Variants in FLNB observed in about 807,000 individuals in gnomAD.
FLNB encodes filamin-B.
A neutral mutation model predicts 250.6 loss-of-function variants in FLNB; 111 were observed. The observed-to-expected ratio is 0.44, with a 90% confidence interval of 0.38 to 0.52. The LOEUF is 0.52. Ranked by LOEUF, FLNB falls within the 20% of genes least tolerant of loss-of-function variation. The pLI is 0.00. For missense variants in FLNB, 2,869 were observed against 3,447.8 expected, an observed-to-expected ratio of 0.83 and a Z score of 4.20; for synonymous variants, 1,302 against 1,372.1, an observed-to-expected ratio of 0.95 and a Z score of 1.13.
chr3:58,137,603 A>G (rs1349355718), intron 28 of FLNB, among the ~76,000 whole-genome samples: 1 of 152,192 alleles, frequency 6.6e-6, no homozygotes, highest in Non-Finnish European at 1.5e-5. Flanking sequence ...CTTTTAGTTC[A>G]TGCTTTTCTG....
intron 1 of FLNB, among the ~76,000 whole-genome samples, chr3:58,020,008 CT>C (rs1392787419): frequency 2.0e-5 from 3 of 151,870 alleles, no homozygotes; most frequent in African/African-American, 7.3e-5. Context: ...GGAACTCCCC[CT>C]GGCTGCAGGG....
chr3:58,065,126 T>TGCTTCTGTGC (rs1420156846), intron 1 of FLNB, among the ~76,000 whole-genome samples: 1 of 152,180 alleles, frequency 6.6e-6, no homozygotes, highest in African/African-American at 2.4e-5. Flanking sequence ...GTGCTCTGTG[T>TGCTTCTGTGC]GCTTCTGTGC....
chr3:58,123,528 G>A lies in FLNB; in HGVS notation c.3562G>A (p.Gly1188Ser), dbSNP rs1369550734. The change falls in exon 21 of 46, where the codon GGC (glycine) becomes AGC (serine). Residue 1188 changes from glycine to serine, a missense_variant. Gly to Ser is a moderately conservative substitution (Grantham distance 56). Coordinates refer to ENST00000295956, the MANE Select transcript of FLNB (RefSeq NM_001457.4). ...AEVSIQNNKD[G>S]TYAVTYVPLT... is the part of the protein sequence containing the mutation. ...AGTCAGTATTCAGAACAACAAAGAT[G>A]GCACCTACGCGGTGACCTACGTGCC... 2.5e-6 allele frequency: 4 copies of A among 1,604,646 alleles called. No individual in the cohort carries two copies. Among genetic ancestry groups the A allele is most frequent in the Admixed American group, 1.7e-5 (1 of 58,722 alleles).
chr3:58,169,933 A>T lies in FLNB; in HGVS notation c.7621+140A>T. ...CCGTTTGCAAGTAACCATCGTCATG[A>T]CCCTGTTCTCCTGCACTTAATATTT... On this transcript the variant is annotated intron_variant, in intron 45 of 45. Coordinates refer to ENST00000295956, the MANE Select transcript of FLNB (RefSeq NM_001457.4). This position sits in a 1 kb window ranked among gnomAD's most constrained non-coding sequence, Gnocchi z 4.8. 1.6e-6 allele frequency: 1 copy of T among 630,548 alleles called. No homozygotes were observed. Among genetic ancestry groups the T allele is most frequent in the South Asian group, 2.0e-5 (1 of 51,276 alleles). The allele number at this position is 630,548 out of a possible 1,614,324, so 39.1% of individuals were successfully genotyped here.
rs746900319 is a variant in FLNB at position 58,138,451 on chromosome 3, A to G, written c.5031A>G (p.Thr1677=). The G allele has an allele frequency of 8.7e-6, 14 of 1,614,094 alleles. No homozygotes were observed. The highest frequency in any genetic ancestry group is 1.3e-5 in the African/African-American group (1 of 74,912). The change falls in exon 29 of 46, where the codon ACA becomes ACG. Residue 1677 remains threonine, a synonymous_variant. Coordinates refer to ENST00000295956, the MANE Select transcript of FLNB (RefSeq NM_001457.4). The part of the protein sequence containing the change: ...NEDGTYDIFY[T]AAKPGTYVIY... ...ATGGAACCTATGACATCTTCTACAC[A>G]GCTGCCAAGCCGGGCACATATGTGA... is the stretch of plus-strand genomic sequence containing the variant.
intron 1 of FLNB, among the ~76,000 whole-genome samples, chr3:58,024,144 C>G (rs1367846363): frequency 3.9e-5 from 6 of 152,074 alleles, no homozygotes; most frequent in Non-Finnish European, 8.8e-5. Context: ...CTGTCTCAGC[C>G]AGGAGGCAGA....
At chr3:58,121,116 G>A (rs1391473002) in intron 19 of FLNB, 125 bp from the exon 20 acceptor site, 2 of 1,192,602 alleles carry the variant, frequency 1.7e-6, no homozygotes, top group Non-Finnish European at 2.5e-6. Flanking sequence ...CTCTGCAGCA[G>A]CTGTTGCTTA....
chr3:58,086,503 T>C (rs2097217603), intron 4 of FLNB, among the ~76,000 whole-genome samples: 3 of 152,336 alleles, frequency 2.0e-5, no homozygotes, highest in East Asian at 3.9e-4. Context: ...TTCTTTGCTT[T>C]GCATTTCTTA....
At chr3:58,050,611 C>G (rs557678787) in intron 1 of FLNB, among the ~76,000 whole-genome samples, 5 of 152,208 alleles carry the variant, frequency 3.3e-5, no homozygotes, top group Non-Finnish European at 7.3e-5. Flanking sequence ...ATTACCTGCA[C>G]ACTATACCAG....
rs374521425 is a variant in FLNB at position 58,084,070 on chromosome 3, T to C, written c.787+2294T>C. ...AGCTTGGCGTGGTGGTACAAGCCTG[T>C]AGTCCCAGCTACTCGGGAGGCTGAG... is the stretch of plus-strand genomic sequence containing the variant. On this transcript the variant is annotated intron_variant, in intron 4 of 45. Coordinates refer to ENST00000295956, the MANE Select transcript of FLNB (RefSeq NM_001457.4). Among the ~76,000 whole-genome samples the C allele has an allele frequency of 2.6e-5, 4 of 151,896 alleles. No homozygotes were observed. In the East Asian group the frequency reaches 5.8e-4, roughly 22 times the overall value.
chr3:58,131,048 T>A, intron 25 of FLNB, 140 bp downstream of exon 25: 1 of 804,058 alleles, frequency 1.2e-6, no homozygotes, highest in Non-Finnish European at 2.0e-6. Flanking sequence ...CATTTCTAGT[T>A]AAACAGTAGA....
At chr3:58,011,137 A>G (rs1212540310) in intron 1 of FLNB, among the ~76,000 whole-genome samples, 1 of 151,900 alleles carries the variant, frequency 6.6e-6, no homozygotes, top group Admixed American at 6.6e-5. Context: ...CTGGTCTCGA[A>G]CTCTTGACCT....
intron 1 of FLNB, among the ~76,000 whole-genome samples, chr3:58,048,309 C>T (rs1457949398): frequency 2.6e-5 from 4 of 152,172 alleles, no homozygotes; most frequent in Non-Finnish European, 4.4e-5. Flanking sequence ...CTCAAGTGTG[C>T]TTGGGAGGGT....
chr3:58,048,776 C>T (rs2106830940), intron 1 of FLNB, among the ~76,000 whole-genome samples: 1 of 152,328 alleles, frequency 6.6e-6, no homozygotes, highest in African/African-American at 2.4e-5. Context: ...TTATAATACC[C>T]TGCTGGTAAC....
intron 39 of FLNB, among the ~76,000 whole-genome samples, chr3:58,153,984 ACTGTAAG>A (rs1176912702): frequency 6.6e-6 from 1 of 152,220 alleles, no homozygotes; most frequent in Non-Finnish European, 1.5e-5. Context: ...TACAAAACTG[ACTGTAAG>A]CATCCTTTCC....
intron 1 of FLNB, among the ~76,000 whole-genome samples, chr3:58,035,866 C>A (rs909411565): frequency 6.6e-6 from 1 of 152,150 alleles, no homozygotes; most frequent in African/African-American, 2.4e-5. Context: ...ACATTCTCGG[C>A]CTGGGGCGGC....
intron 1 of FLNB, among the ~76,000 whole-genome samples, chr3:58,070,049 C>CTTT (rs10639474): frequency 5.9e-5 from 8 of 134,984 alleles, no homozygotes; most frequent in African/African-American, 8.3e-5. Context: ...CTCTTTCTTT[C>CTTT]TTTTTTTTTT....
In FLNB at chr3:58,168,569, C is replaced by G. The variant is rs771261593; in HGVS notation, c.7328C>G (p.Thr2443Ser). Residue 2443 changes from threonine to serine, a missense_variant, in exon 44 of 46, where the codon ACC (threonine) becomes AGC (serine). Physicochemically the swap from Thr to Ser is moderately conservative, Grantham distance 58. Around this residue, in one of 5 missense-constraint regions of FLNB, gnomAD observed 1,084 missense variants for 1,315.5 expected, o/e 0.82. Transcript: ENST00000295956. Reference sequence around the variant, plus strand: ...CCTGAAGGGTACAAAGTCATGTACACCCCCATGGCTCCTGGTAACTACCTG... The same window carrying G: ...CCTGAAGGGTACAAAGTCATGTACAGCCCCATGGCTCCTGGTAACTACCTG... ...ETPEGYKVMY[T>S]PMAPGNYLIS... 1.2e-6 allele frequency: 2 copies of G among 1,613,890 alleles called. No homozygotes were observed. Among genetic ancestry groups the G allele is most frequent in the African/African-American group, 2.7e-5 (2 of 74,928 alleles).
intron 22 of FLNB, 119 bp downstream of exon 22, chr3:58,124,624 C>A: frequency 1.9e-6 from 2 of 1,033,396 alleles, no homozygotes; most frequent in Non-Finnish European, 2.9e-6. Flanking sequence ...GGGCCACGTG[C>A]AGAGTGACAG....
Sources: allele counts gnomAD v4.1 joint callset (sites outside exome capture counted in the v4.1 genomes callset), GRCh38; gene constraint gnomAD v4.1.1; regional missense constraint gnomAD v4.1.1; non-coding constraint Gnocchi (gnomAD v3.1); transcripts MANE v1.5; gene names NCBI Gene and HGNC (gene_info 2026-07-23, HGNC 2026-07-21).